ST6GALNAC3: variants seen among roughly 807,000 people sequenced by gnomAD.
ST6GALNAC3 encodes ST6 N-acetylgalactosaminide alpha-2,6-sialyltransferase 3.
A neutral mutation model predicts 32.7 loss-of-function variants in ST6GALNAC3; 25 were observed. That is an observed-to-expected ratio of 0.76 (90% CI 0.56 to 1.07). The LOEUF (loss-of-function observed/expected upper bound fraction) is 1.07. Among genes scored for constraint, ST6GALNAC3 ranks in the 50% least tolerant of loss-of-function variants. The pLI, the probability that ST6GALNAC3 is intolerant of heterozygous loss-of-function variation, is 0.00. For missense variants in ST6GALNAC3, 355 were observed against 382.4 expected, an observed-to-expected ratio of 0.93 and a Z score of 0.60; for synonymous variants, 129 against 133.1, an observed-to-expected ratio of 0.97 and a Z score of 0.21.
In ST6GALNAC3 at chr1:76,240,990, C is replaced by T. The variant is rs374714145; in HGVS notation, c.19-72815C>T. 1.1e-4 allele frequency among the ~76,000 whole-genome samples: 17 copies of T among 152,310 alleles called. No homozygotes were observed. The East Asian group carries it at 2.3e-3, about 21-fold the overall frequency. ...CTTTTTATTTACCTATTCAACCCTT[C>T]TCTTTCTTACTGAAAAAAAATTATA... On this transcript the variant is annotated intron_variant, in intron 1 of 4. Transcript: ENST00000328299.
intron 1 of ST6GALNAC3, among the ~76,000 whole-genome samples, chr1:76,082,056 T>G (rs1646903225): frequency 6.6e-6 from 1 of 152,208 alleles, no homozygotes; most frequent in South Asian, 2.1e-4. Flanking sequence ...GGTTTAGGTC[T>G]GAGGAAAACA....
intron 1 of ST6GALNAC3, among the ~76,000 whole-genome samples, chr1:76,206,377 T>C (rs1654823623): frequency 6.6e-6 from 1 of 152,142 alleles, no homozygotes; most frequent in South Asian, 2.1e-4. Context: ...CCAACTCTGC[T>C]GCTTTCCACT....
At chr1:76,246,555 T>C (rs967109476) in intron 1 of ST6GALNAC3, among the ~76,000 whole-genome samples, 7 of 152,056 alleles carry the variant, frequency 4.6e-5, no homozygotes, top group Non-Finnish European at 7.3e-5. Flanking sequence ...TACCGATTTT[T>C]CCTTTCCATA....
intron 1 of ST6GALNAC3, among the ~76,000 whole-genome samples, chr1:76,171,942 TC>T (rs904689898): frequency 2.0e-5 from 3 of 151,846 alleles, no homozygotes; most frequent in African/African-American, 7.3e-5. Flanking sequence ...CTGAAACTAT[TC>T]CAAACAGTTG....
chr1:76,178,431 A>G (rs577113405), intron 1 of ST6GALNAC3, among the ~76,000 whole-genome samples: 2 of 152,328 alleles, frequency 1.3e-5, no homozygotes, highest in South Asian at 4.1e-4. Context: ...GAAAGGAAAC[A>G]TGACCATGTT....
intron 2 of ST6GALNAC3, among the ~76,000 whole-genome samples, chr1:76,356,319 C>T (rs930185816): frequency 6.6e-6 from 1 of 150,992 alleles, no homozygotes. Flanking sequence ...TGCTTTTGAT[C>T]GGATCCAAAT....
chr1:76,455,507 C>T (rs1657711368), intron 3 of ST6GALNAC3, among the ~76,000 whole-genome samples: 4 of 152,156 alleles, frequency 2.6e-5, no homozygotes, highest in Admixed American at 2.6e-4. Context: ...GAAAACACCT[C>T]ATACTCTTGC....
rs572798230 is a variant in ST6GALNAC3, at chr1:76,108,320, T to C, written c.18+33436T>C. Among the ~76,000 whole-genome samples, 239 of 152,174 alleles carry C rather than the reference T, an allele frequency of 1.6e-3. 2 individuals are homozygous for C. The highest frequency in any genetic ancestry group is 5.6e-3 in the African/African-American group (232 of 41,438). On this transcript the variant is annotated intron_variant, in intron 1 of 4. Transcript: ENST00000328299. ...CCCTTTTATTGAAAGCTACAGGCTCTTTTTTTCACAAAAATTCACAGAATA... is the reference window on the plus strand; with the variant it reads ...CCCTTTTATTGAAAGCTACAGGCTCCTTTTTTCACAAAAATTCACAGAATA...
rs4034974 is a variant in ST6GALNAC3, at chr1:76,143,392, C to CGTGTGTGTGTGTGT, written c.18+68527_18+68540dup. 4.0e-3 allele frequency among the ~76,000 whole-genome samples: 574 copies of CGTGTGTGTGTGTGT among 142,420 alleles called. 6 individuals are homozygous for CGTGTGTGTGTGTGT. The highest frequency in any genetic ancestry group is 0.039 in the Middle Eastern group (11 of 280). 93.4% of individuals were successfully genotyped at this position (142,420 alleles called of 152,430 possible). ...ACCCACTTTGGACTTCTTACCAAGT[C>CGTGTGTGTGTGTGT]GTGTGTGTGTGTGTGTGTGTGTGTG... On this transcript the variant is annotated intron_variant, in intron 1 of 4. Coordinates refer to ENST00000328299, the MANE Select transcript of ST6GALNAC3 (RefSeq NM_152996.4).
At chr1:76,377,584 G>A (rs1029477259) in intron 2 of ST6GALNAC3, among the ~76,000 whole-genome samples, 5 of 152,020 alleles carry the variant, frequency 3.3e-5, no homozygotes, top group Admixed American at 1.3e-4. Context: ...CTCCCACCAG[G>A]TCCCCCCTCC....
At position 76,145,057 on chromosome 1, in the gene ST6GALNAC3, C is replaced by T. The variant is rs17098183; in HGVS notation, c.18+70173C>T. ...TTTATAAACAAATCTGAATCCTGAACGTCAACCCAGGCTTGTCTAAGAATT... is the reference window on the plus strand; with the variant it reads ...TTTATAAACAAATCTGAATCCTGAATGTCAACCCAGGCTTGTCTAAGAATT... On this transcript the variant is annotated intron_variant, in intron 1 of 4. Coordinates refer to ENST00000328299, the MANE Select transcript of ST6GALNAC3 (RefSeq NM_152996.4). Among the ~76,000 whole-genome samples the T allele has an allele frequency of 9.0e-3, 1,375 of 152,314 alleles. 22 individuals are homozygous for T. The highest frequency in any genetic ancestry group is 0.031 in the African/African-American group (1,304 of 41,570).
intron 2 of ST6GALNAC3, among the ~76,000 whole-genome samples, chr1:76,344,825 C>T (rs1648361187): frequency 6.6e-6 from 1 of 152,120 alleles, no homozygotes; most frequent in Non-Finnish European, 1.5e-5. Context: ...CCTAAGCACA[C>T]TCAGTGAGGT....
intron 1 of ST6GALNAC3, among the ~76,000 whole-genome samples, chr1:76,109,237 TTTTGCTGAC>T (rs1223865444): frequency 1.3e-5 from 2 of 152,094 alleles, no homozygotes; most frequent in African/African-American, 4.8e-5. Context: ...AGATAAAATT[TTTTGCTGAC>T]TTTTCTCCTG....
intron 1 of ST6GALNAC3, among the ~76,000 whole-genome samples, chr1:76,154,472 G>A (rs1651262560): frequency 6.6e-6 from 1 of 152,202 alleles, no homozygotes; most frequent in South Asian, 2.1e-4. Flanking sequence ...GCAAGTGTGG[G>A]CAATATTAGT....
chr1:76,215,037 C>T (rs1479301883), intron 1 of ST6GALNAC3, among the ~76,000 whole-genome samples: 1 of 152,158 alleles, frequency 6.6e-6, no homozygotes, highest in African/African-American at 2.4e-5. Flanking sequence ...TGAACATAGC[C>T]TGGAAGGTTT....
chr1:76,401,199 CTCTTA>C (rs1391492405), intron 2 of ST6GALNAC3, among the ~76,000 whole-genome samples: 3 of 151,988 alleles, frequency 2.0e-5, no homozygotes, highest in South Asian at 2.1e-4. Flanking sequence ...TATTCTGAGT[CTCTTA>C]TCTTATTTTT....
At chr1:76,343,989 G>C (rs888463918) in intron 2 of ST6GALNAC3, among the ~76,000 whole-genome samples, 6 of 152,182 alleles carry the variant, frequency 3.9e-5, no homozygotes, top group Non-Finnish European at 8.8e-5. Context: ...ATTGGACAAG[G>C]GGCAAGTAGG....
chr1:76,536,987 C>A (rs187277793), intron 3 of ST6GALNAC3, among the ~76,000 whole-genome samples: 1 of 152,294 alleles, frequency 6.6e-6, no homozygotes, highest in Admixed American at 6.5e-5. Flanking sequence ...ATCAAGTGGA[C>A]CCAATAGGTA....
chr1:76,077,806 C>T (rs1184567067), intron 1 of ST6GALNAC3, among the ~76,000 whole-genome samples: 1 of 152,130 alleles, frequency 6.6e-6, no homozygotes, highest in African/African-American at 2.4e-5. Context: ...TCTGCTTTTT[C>T]TCAATTGCCT....
Sources: allele counts gnomAD v4.1 joint callset (sites outside exome capture counted in the v4.1 genomes callset), GRCh38; gene constraint gnomAD v4.1.1; transcripts MANE v1.5; gene names NCBI Gene and HGNC (gene_info 2026-07-23, HGNC 2026-07-21).